The following PTPRG variants were observed in gnomAD, a reference collection of about 807,000 sequenced individuals.
PTPRG encodes the protein receptor-type tyrosine-protein phosphatase gamma.
PTPRG carries 102 observed loss-of-function variants against 165.3 expected under a neutral mutation model. That is an observed-to-expected ratio of 0.62 (90% CI 0.53 to 0.73). The LOEUF is 0.73. PTPRG is among the 30% of genes least tolerant of loss of function. PTPRG has a pLI of 0.00. For missense variants in PTPRG, 1,866 were observed against 1,861.4 expected (o/e 1.00, Z -0.05); for synonymous variants, 675 against 669.5 (o/e 1.01, Z -0.13).
intron 2 of PTPRG, among the ~76,000 whole-genome samples, chr3:61,955,694 G>A (rs962477352): frequency 2.0e-5 from 3 of 151,940 alleles, no homozygotes; most frequent in Non-Finnish European, 4.4e-5. Flanking sequence ...GAATGTTCTT[G>A]GTGATTACCA....
At chr3:61,568,533 A>G (rs1699979098) in intron 1 of PTPRG, among the ~76,000 whole-genome samples, 2 of 152,166 alleles carry the variant, frequency 1.3e-5, no homozygotes. Flanking sequence ...TGACAGAAAA[A>G]TATATTCTGT....
intron 4 of PTPRG, among the ~76,000 whole-genome samples, chr3:62,025,721 G>A (rs1486094032): frequency 6.6e-6 from 1 of 151,970 alleles, no homozygotes; most frequent in Non-Finnish European, 1.5e-5. Context: ...AATTGTAAAT[G>A]TTTTCACATA....
At chr3:62,148,799 A>G (rs552188472) in intron 6 of PTPRG, among the ~76,000 whole-genome samples, 2 of 152,182 alleles carry the variant, frequency 1.3e-5, no homozygotes, top group African/African-American at 4.8e-5. Flanking sequence ...TAGCTAAAAT[A>G]GTTGCCTAGT....
chr3:62,139,747 T>C (rs928108650), intron 6 of PTPRG, among the ~76,000 whole-genome samples: 2 of 152,206 alleles, frequency 1.3e-5, no homozygotes, highest in African/African-American at 4.8e-5. Flanking sequence ...GACTAGTTTG[T>C]TCACTTGGCT....
intron 2 of PTPRG, among the ~76,000 whole-genome samples, chr3:61,915,626 C>G (rs998186258): frequency 8.5e-5 from 13 of 152,144 alleles, no homozygotes; most frequent in Admixed American, 7.2e-4. Context: ...ATAGTTTAAG[C>G]CTTGCTGAAT....
At chr3:62,016,971 C>G (rs2041560811) in intron 4 of PTPRG, among the ~76,000 whole-genome samples, 1 of 152,296 alleles carries the variant, frequency 6.6e-6, no homozygotes, top group Admixed American at 6.5e-5. Context: ...GCATTCATCA[C>G]TTTTTTGAAG....
chr3:61,900,121 TG>T (rs2038461022), intron 2 of PTPRG, among the ~76,000 whole-genome samples: 1 of 152,054 alleles, frequency 6.6e-6, no homozygotes, highest in African/African-American at 2.4e-5. Context: ...TCAAATGACA[TG>T]GTATGATGGC....
At chr3:62,285,156 AC>A (rs1702593245) in intron 28 of PTPRG, among the ~76,000 whole-genome samples, 2 of 152,106 alleles carry the variant, frequency 1.3e-5, no homozygotes, top group African/African-American at 4.8e-5. Flanking sequence ...CCCAGTCTCC[AC>A]CGGGGGAAAC....
chr3:62,056,756 AAG>A (rs1700648524), intron 4 of PTPRG, among the ~76,000 whole-genome samples: 1 of 152,154 alleles, frequency 6.6e-6, no homozygotes, highest in Non-Finnish European at 1.5e-5. Context: ...CTGGTTTAGA[AAG>A]AGAGGAATGA....
chr3:61,677,545 A>G (rs1703275265), intron 1 of PTPRG, among the ~76,000 whole-genome samples: 1 of 152,226 alleles, frequency 6.6e-6, no homozygotes, highest in South Asian at 2.1e-4. Flanking sequence ...TGGTAGATGT[A>G]TATTTACTTA....
chr3:61,881,763 C>T (rs2037894869), intron 2 of PTPRG, among the ~76,000 whole-genome samples: 1 of 152,146 alleles, frequency 6.6e-6, no homozygotes, highest in Non-Finnish European at 1.5e-5. Context: ...TCTTGGCTTC[C>T]TTTTCATTGT....
At chr3:62,070,557 A>G (rs1400413560) in intron 4 of PTPRG, among the ~76,000 whole-genome samples, 1 of 152,270 alleles carries the variant, frequency 6.6e-6, no homozygotes, top group Non-Finnish European at 1.5e-5. Flanking sequence ...TCCTGCGTGC[A>G]TACATCTTTC....
intron 1 of PTPRG, among the ~76,000 whole-genome samples, chr3:61,701,038 A>G (rs1458430534): frequency 6.6e-6 from 1 of 152,056 alleles, no homozygotes; most frequent in Non-Finnish European, 1.5e-5. Flanking sequence ...TTTTCTGGAA[A>G]CCTATGCAGT....
At position 62,078,229 on chromosome 3, in the gene PTPRG, A is replaced by C. The variant is rs752939187; in HGVS notation, c.586A>C (p.Ile196Leu). 3.1e-6 allele frequency: 5 copies of C among 1,608,744 alleles called. No individual in the cohort carries two copies. In the South Asian group the frequency reaches 5.6e-5, roughly 18 times the overall value. ...SFQTAISENR[I>L]IGAMAIFFQV... is the part of the protein sequence containing the mutation. ...TCAAACCGCAATTTCTGAGAACAGAATAATCGGAGCCATGGCCATATTTTT... is the reference window on the plus strand; with the variant it reads ...TCAAACCGCAATTTCTGAGAACAGACTAATCGGAGCCATGGCCATATTTTT... Residue 196 changes from isoleucine to leucine, a missense_variant, in exon 5 of 30, where the codon ATA (isoleucine) becomes CTA (leucine). Physicochemically the swap from Ile to Leu is conservative, Grantham distance 5. Around this residue, in one of 3 missense-constraint regions of PTPRG, gnomAD observed 408 missense variants for 376.2 expected, o/e 1.08. Transcript: ENST00000474889.
At chr3:62,205,580 A>G (rs1366858362) in intron 12 of PTPRG, among the ~76,000 whole-genome samples, 2 of 152,244 alleles carry the variant, frequency 1.3e-5, no homozygotes, top group African/African-American at 2.4e-5. Flanking sequence ...CAGAGAGCCA[A>G]GTGGTAAGAA....
intron 2 of PTPRG, among the ~76,000 whole-genome samples, chr3:61,919,431 G>C (rs2039023952): frequency 6.6e-6 from 1 of 152,206 alleles, no homozygotes; most frequent in South Asian, 2.1e-4. Flanking sequence ...GGTCATCTGC[G>C]ATGTGTGCAT....
chr3:62,112,395 C>T (rs1056080477), intron 5 of PTPRG, among the ~76,000 whole-genome samples: 1 of 152,238 alleles, frequency 6.6e-6, no homozygotes, highest in Non-Finnish European at 1.5e-5. Flanking sequence ...TGAGCCATCC[C>T]GCCCTGCCAG....
At chr3:61,659,707 T>C (rs1702605971) in intron 1 of PTPRG, among the ~76,000 whole-genome samples, 1 of 152,200 alleles carries the variant, frequency 6.6e-6, no homozygotes, top group African/African-American at 2.4e-5. Flanking sequence ...TCTGAAGTCA[T>C]GTCTGGGTGC....
chr3:61,845,070 C>T (rs142075497), intron 2 of PTPRG, among the ~76,000 whole-genome samples: 167 of 152,264 alleles, frequency 1.1e-3, no homozygotes, highest in African/African-American at 3.7e-3. Flanking sequence ...AAAATTGATT[C>T]ATTCATTTTG....
Sources: allele counts gnomAD v4.1 joint callset (sites outside exome capture counted in the v4.1 genomes callset), GRCh38; gene constraint gnomAD v4.1.1; regional missense constraint gnomAD v4.1.1; transcripts MANE v1.5; gene names NCBI Gene and HGNC (gene_info 2026-07-23, HGNC 2026-07-21).